The following MARCHF10 variants were observed in gnomAD, a reference collection of about 807,000 sequenced individuals.
MARCHF10 encodes membrane associated ring-CH-type finger 10.
MARCHF10 carries 64 observed loss-of-function variants against 76.2 expected under a neutral mutation model. The ratio of observed to expected loss-of-function variants is 0.84; its 90% CI spans 0.69 to 1.03. The LOEUF (loss-of-function observed/expected upper bound fraction) is 1.03, where lower values mean the gene tolerates loss of function less well. Ranked by LOEUF, MARCHF10 falls within the 50% of genes least tolerant of loss-of-function variation. The probability of loss-of-function intolerance (pLI) is 0.00; values close to 1 mark genes in which losing one functional copy is unlikely to be tolerated. For missense variants in MARCHF10, 875 were observed against 958.0 expected, an observed-to-expected ratio of 0.91 and a Z score of 1.14; for synonymous variants, 340 against 357.5, an observed-to-expected ratio of 0.95 and a Z score of 0.55.
intron 2 of MARCHF10, 117 bp downstream of exon 2, chr17:62,801,529 C>A: frequency 1.5e-6 from 1 of 653,646 alleles, no homozygotes; most frequent in South Asian, 1.6e-5. Flanking sequence ...CATACCTAAT[C>A]GGTGGGTTTG....
At chr17:62,770,746 G>C (rs1265737679) in intron 3 of MARCHF10, among the ~76,000 whole-genome samples, 5 of 151,700 alleles carry the variant, frequency 3.3e-5, no homozygotes, top group Non-Finnish European at 7.4e-5. Context: ...TCACTATGTT[G>C]GTCAGGCTGG....
intron 3 of MARCHF10, among the ~76,000 whole-genome samples, chr17:62,764,345 T>C (rs534174931): frequency 2.0e-5 from 3 of 152,264 alleles, no homozygotes; most frequent in South Asian, 2.1e-4. Context: ...TGAATTCTGA[T>C]TGATGTGTAC....
chr17:62,789,258 T>TC (rs2092802067), intron 2 of MARCHF10, among the ~76,000 whole-genome samples: 1 of 152,140 alleles, frequency 6.6e-6, no homozygotes, highest in East Asian at 1.9e-4. Context: ...GGCCCCTCCC[T>TC]CTTCCTACCT....
intron 2 of MARCHF10, among the ~76,000 whole-genome samples, chr17:62,794,638 C>T (rs1433149425): frequency 6.6e-6 from 1 of 152,184 alleles, no homozygotes; most frequent in Non-Finnish European, 1.5e-5. Flanking sequence ...CATTATCAAT[C>T]TGATCCCTCC....
At chr17:62,776,407 G>A (rs981492528) in intron 3 of MARCHF10, among the ~76,000 whole-genome samples, 1 of 152,128 alleles carries the variant, frequency 6.6e-6, no homozygotes, top group African/African-American at 2.4e-5. Flanking sequence ...TTGCCTGTGC[G>A]TTGAAAAAGG....
intron 3 of MARCHF10, among the ~76,000 whole-genome samples, chr17:62,772,774 G>A (rs2092472157): frequency 1.3e-5 from 2 of 152,114 alleles, no homozygotes; most frequent in East Asian, 1.9e-4. Context: ...ACGAATGCAG[G>A]CAACAAGCCA....
chr17:62,734,377 T>C (rs1319823692), intron 6 of MARCHF10, among the ~76,000 whole-genome samples: 1 of 152,024 alleles, frequency 6.6e-6, no homozygotes, highest in African/African-American at 2.4e-5. Context: ...GTGTAAGGAA[T>C]GTTCTGTTAG....
chr17:62,778,322 A>G (rs909441651), intron 3 of MARCHF10, among the ~76,000 whole-genome samples: 1 of 152,152 alleles, frequency 6.6e-6, no homozygotes, highest in Admixed American at 6.5e-5. Context: ...GATCCCAAAG[A>G]CAATGGGAAA....
At chr17:62,704,596 A>C (rs2089461531) in intron 10 of MARCHF10, among the ~76,000 whole-genome samples, 1 of 152,240 alleles carries the variant, frequency 6.6e-6, no homozygotes, top group Non-Finnish European at 1.5e-5. Context: ...GACTACTGGG[A>C]GTTCTCAAAA....
chr17:62,739,557 T>A (rs1486856122), intron 5 of MARCHF10, among the ~76,000 whole-genome samples: 1 of 151,946 alleles, frequency 6.6e-6, no homozygotes, highest in Non-Finnish European at 1.5e-5. Context: ...AATTTTGTAT[T>A]TTTAGTAGAG....
Position 62,711,223 on chromosome 17 carries a change from A to T in MARCHF10, c.2328+8T>A. The T allele has an allele frequency of 6.2e-7, 1 of 1,613,302 alleles. No homozygotes were observed. Among genetic ancestry groups the T allele is most frequent in the Non-Finnish European group, 8.5e-7 (1 of 1,179,292 alleles). On this transcript the variant is annotated splice_region_variant and intron_variant, in intron 9 of 10. Coordinates refer to ENST00000311269, the MANE Select transcript of MARCHF10 (RefSeq NM_152598.4). The surrounding 1 kb of genome is among the most constrained non-coding windows in gnomAD (Gnocchi z 4.4). The stretch of plus-strand genomic sequence containing the variant: ...CACCGGACAGCTCTGGGTCACAGCC[A>T]GACTTACCCTCTCTCTTTCCACCTG...
At chr17:62,722,947 T>G (rs1163012061) in intron 7 of MARCHF10, among the ~76,000 whole-genome samples, 1 of 151,412 alleles carries the variant, frequency 6.6e-6, no homozygotes, top group Non-Finnish European at 1.5e-5. Context: ...AGAGTGACTA[T>G]TCAGCTTTTT....
chr17:62,745,009 A>AAG (rs1463724777), intron 4 of MARCHF10, among the ~76,000 whole-genome samples: 1 of 151,392 alleles, frequency 6.6e-6, no homozygotes, highest in Non-Finnish European at 1.5e-5. Context: ...ATCTCAAAAA[A>AAG]AAAAAAAAAA....
chr17:62,712,872 G>T lies in MARCHF10; in HGVS notation c.2215-1528C>A, dbSNP rs980126351. Among the ~76,000 whole-genome samples the T allele has an allele frequency of 2.6e-5, 4 of 152,178 alleles. No homozygotes were observed. Among genetic ancestry groups the T allele is most frequent in the Non-Finnish European group, 5.9e-5 (4 of 68,024 alleles). ...CAATTCTCCTGCCTCAGCCTCCTGA[G>T]TAGCTGGGATTACAGGTGTGCACCA... On this transcript the variant is annotated intron_variant, in intron 8 of 10. Transcript: ENST00000311269. The surrounding 1 kb of genome is among the most constrained non-coding windows in gnomAD (Gnocchi z 4.2).
chr17:62,733,460 A>G (rs1303990268), intron 6 of MARCHF10, among the ~76,000 whole-genome samples: 2 of 152,000 alleles, frequency 1.3e-5, no homozygotes, highest in Non-Finnish European at 1.5e-5. Flanking sequence ...AAGCCAATCA[A>G]TACGAATGTT....
At position 62,737,053 on chromosome 17, in the gene MARCHF10, C is replaced by G. The variant is rs748506169; in HGVS notation, c.815G>C (p.Arg272Pro). ...CAAAATGGAATAAAAGTCTTCATCT[C>G]GGAACCTAAATGATGCCTTTCTTGG... is the stretch of plus-strand genomic sequence containing the variant. ...GGPRKASFRF[R>P]DEDFYSILSL... The change falls in exon 6 of 11, where the codon CGA (arginine) becomes CCA (proline). Residue 272 changes from arginine to proline, a missense_variant. Physicochemically the swap from Arg to Pro is moderately radical, Grantham distance 103 (BLOSUM62 -2). Coordinates refer to ENST00000311269, the MANE Select transcript of MARCHF10 (RefSeq NM_152598.4). 6.2e-7 allele frequency: 1 copy of G among 1,614,042 alleles called. No individual in the cohort carries two copies. Among genetic ancestry groups the G allele is most frequent in the Admixed American group, 1.7e-5 (1 of 60,002 alleles).
Position 62,776,321 on chromosome 17 carries a change from G to A in MARCHF10, c.210+12159C>T, listed in dbSNP as rs117395649. Among the ~76,000 whole-genome samples, 118 of 152,320 alleles carry A rather than the reference G, an allele frequency of 7.7e-4. 1 individual carries two copies. Among genetic ancestry groups the A allele is most frequent in the Non-Finnish European group, 1.3e-3 (91 of 68,026 alleles). On this transcript the variant is annotated intron_variant, in intron 3 of 10. Coordinates refer to ENST00000311269, the MANE Select transcript of MARCHF10 (RefSeq NM_152598.4). Reference sequence around the variant, plus strand: ...CAATCCTCTGCACCAACAATTCACTGAGCTGGGATAACAATTGGTGCTTCT... The same window carrying A: ...CAATCCTCTGCACCAACAATTCACTAAGCTGGGATAACAATTGGTGCTTCT...
In MARCHF10 at chr17:62,789,089, A is replaced by AC. The variant is rs1396349462; in HGVS notation, c.91-491_91-490insG. On this transcript the variant is annotated intron_variant, in intron 2 of 10. Coordinates refer to ENST00000311269, the MANE Select transcript of MARCHF10 (RefSeq NM_152598.4). ...CGTCTCAAAAAAAAAAAAAAAAAAA[A>AC]AAAAACGCAGGTCAGACGTAATAGC... is the stretch of plus-strand genomic sequence containing the variant. Among the ~76,000 whole-genome samples, 5 of 150,788 alleles carry AC rather than the reference A, an allele frequency of 3.3e-5. No homozygotes were observed. In the East Asian group the frequency reaches 9.7e-4, roughly 29 times the overall value.
intron 10 of MARCHF10, among the ~76,000 whole-genome samples, chr17:62,704,401 C>A (rs2089447797): frequency 6.6e-6 from 1 of 152,200 alleles, no homozygotes; most frequent in Non-Finnish European, 1.5e-5. Context: ...GCGGTTGCGC[C>A]CGGGCTGGGG....
Sources: allele counts gnomAD v4.1 joint callset (sites outside exome capture counted in the v4.1 genomes callset), GRCh38; gene constraint gnomAD v4.1.1; non-coding constraint Gnocchi (gnomAD v3.1); transcripts MANE v1.5; gene names NCBI Gene and HGNC (gene_info 2026-07-23, HGNC 2026-07-21).